The following PDZD2 variants were observed in gnomAD, a reference collection of about 807,000 sequenced individuals.
The protein encoded by PDZD2 is PDZ domain containing 2, also known as PDZ domain-containing protein 2.
In PDZD2, 90 loss-of-function variants were observed where a neutral mutation model predicts 220.7. That is an observed-to-expected ratio of 0.41 (90% CI 0.34 to 0.49). PDZD2 has a LOEUF of 0.49. PDZD2 is among the 20% of genes least tolerant of loss of function. The probability of loss-of-function intolerance (pLI) is 0.28; values close to 1 mark genes in which losing one functional copy is unlikely to be tolerated. For missense variants in PDZD2, 3,174 were observed against 3,608.5 expected (o/e 0.88, Z 3.08); for synonymous variants, 1,375 against 1,450.5 (o/e 0.95, Z 1.18).
chr5:31,905,661 A>G (rs895395939), intron 2 of PDZD2, among the ~76,000 whole-genome samples: 5 of 152,346 alleles, frequency 3.3e-5, no homozygotes, highest in Non-Finnish European at 5.9e-5. Flanking sequence ...CCTTCCCGCT[A>G]AGAACTTCCC....
intron 2 of PDZD2, among the ~76,000 whole-genome samples, chr5:31,947,010 G>T (rs1746697063): frequency 6.6e-6 from 1 of 152,168 alleles, no homozygotes; most frequent in African/African-American, 2.4e-5. Context: ...GGCTAAGATG[G>T]TTCTTTTGAT....
Position 31,799,580 on chromosome 5 carries a change from G to A in PDZD2, c.332G>A (p.Gly111Asp). 1.9e-6 allele frequency: 3 copies of A among 1,614,164 alleles called. No individual in the cohort carries two copies. Among genetic ancestry groups the A allele is most frequent in the Non-Finnish European group, 2.5e-6 (3 of 1,180,020 alleles). ...GGCAAGAAGAGGAAAACCCACCAGG[G>A]TCCTGTGCTGGATGTGGGCTGCATC... The part of the protein sequence containing the change: ...RGGKKRKTHQ[G>D]PVLDVGCIWV... Residue 111 changes from glycine (G) to aspartate (D), a missense_variant, in exon 2 of 25, where the codon GGT (glycine) becomes GAT (aspartate). Around this residue, in one of 4 missense-constraint regions of PDZD2, gnomAD observed 632 missense variants for 708.1 expected, o/e 0.89. Coordinates refer to ENST00000438447, the MANE Select transcript of PDZD2 (RefSeq NM_178140.4).
At chr5:31,767,738 G>T (rs1428067223) in intron 1 of PDZD2, among the ~76,000 whole-genome samples, 1 of 152,300 alleles carries the variant, frequency 6.6e-6, no homozygotes, top group East Asian at 1.9e-4. Context: ...AATTGCCCAG[G>T]CCCCTCAGTT....
intron 1 of PDZD2, among the ~76,000 whole-genome samples, chr5:31,648,490 T>C (rs1745217425): frequency 6.6e-6 from 1 of 152,086 alleles, no homozygotes; most frequent in Non-Finnish European, 1.5e-5. Context: ...GAATAAGTCC[T>C]GTTGGCCCCA....
intron 2 of PDZD2, among the ~76,000 whole-genome samples, chr5:31,895,461 T>C (rs1206850036): frequency 6.6e-6 from 1 of 152,226 alleles, no homozygotes; most frequent in African/African-American, 2.4e-5. Flanking sequence ...TACCTTGATC[T>C]TGGCCTTCCT....
chr5:32,033,419 A>G (rs535498234), intron 6 of PDZD2, among the ~76,000 whole-genome samples: 2 of 152,200 alleles, frequency 1.3e-5, no homozygotes, highest in South Asian at 2.1e-4. Flanking sequence ...AACTCAACGA[A>G]AAAACAGTTT....
Position 31,908,656 on chromosome 5 carries a change from T to C in PDZD2, c.477-74499T>C. The C allele has an allele frequency of 9.5e-6, 11 of 1,162,734 alleles. No homozygotes were observed. The South Asian group carries it at 1.2e-4, about 13-fold the overall frequency. The allele number at this position is 1,162,734 out of a possible 1,614,324, so 72.0% of individuals were successfully genotyped here. ...AGGTTACGTGATATCAAAGACAAACTTGAAGAACAGAGACCAGAAAGAGTA... is the reference window on the plus strand; with the variant it reads ...AGGTTACGTGATATCAAAGACAAACCTGAAGAACAGAGACCAGAAAGAGTA... On this transcript the variant is annotated intron_variant, in intron 2 of 24. Transcript: ENST00000438447.
intron 2 of PDZD2, among the ~76,000 whole-genome samples, chr5:31,918,604 T>C (rs775797507): frequency 9.9e-5 from 15 of 152,244 alleles, no homozygotes; most frequent in Non-Finnish European, 1.8e-4. Flanking sequence ...AAGCTTCTCT[T>C]TTGATTTTTA....
chr5:31,808,531 C>T (rs1406149207), intron 2 of PDZD2, among the ~76,000 whole-genome samples: 1 of 152,188 alleles, frequency 6.6e-6, no homozygotes, highest in Non-Finnish European at 1.5e-5. Flanking sequence ...TCCCAGGGTT[C>T]ATCCAAGTCC....
chr5:31,862,389 C>G (rs1464310169), intron 2 of PDZD2, among the ~76,000 whole-genome samples: 1 of 151,970 alleles, frequency 6.6e-6, no homozygotes, highest in African/African-American at 2.4e-5. Context: ...CAGGCATGAG[C>G]CACCATGCCA....
At chr5:31,689,353 A>ATATATATATATATATATTTTTTT in intron 1 of PDZD2, among the ~76,000 whole-genome samples, 1 of 35,122 alleles carries the variant, frequency 2.8e-5, no homozygotes, top group African/African-American at 2.1e-4. Context: ...ATATATATAT[A>ATATATATATATATATATTTTTTT]TTTTTTTTTT....
chr5:31,888,445 G>C (rs62361611), intron 2 of PDZD2, among the ~76,000 whole-genome samples: 5 of 152,276 alleles, frequency 3.3e-5, no homozygotes, highest in Admixed American at 3.3e-4. Flanking sequence ...GCCTGCCTCC[G>C]CCTCCCAAAG....
chr5:31,718,674 G>C (rs527266893), intron 1 of PDZD2, among the ~76,000 whole-genome samples: 1 of 150,638 alleles, frequency 6.6e-6, no homozygotes, highest in African/African-American at 2.4e-5. Context: ...GGTTGGATTA[G>C]GGCCCACTGT....
intron 2 of PDZD2, among the ~76,000 whole-genome samples, chr5:31,931,783 T>G (rs1191593059): frequency 6.6e-6 from 1 of 152,026 alleles, no homozygotes; most frequent in Non-Finnish European, 1.5e-5. Context: ...AACAGATCTG[T>G]ATACAATGAA....
chr5:32,087,181 G>A lies in PDZD2; in HGVS notation c.3733G>A (p.Ala1245Thr), dbSNP rs770530610. The A allele has an allele frequency of 1.9e-5, 30 of 1,613,650 alleles. No individual in the cohort carries two copies. Among genetic ancestry groups the A allele is most frequent in the East Asian group, 2.2e-5 (1 of 44,872 alleles). Residue 1245 changes from alanine to threonine, a missense_variant, in exon 20 of 25, where the codon GCT (alanine) becomes ACT (threonine). Around this residue, in one of 4 missense-constraint regions of PDZD2, gnomAD observed 1,861 missense variants for 2,001.0 expected, o/e 0.93. Transcript: ENST00000438447. This position sits in a 1 kb window ranked among gnomAD's most constrained non-coding sequence, Gnocchi z 4.0. ...LISSPGKKGA[A>T]HPDPSKTSVD... The stretch of plus-strand genomic sequence containing the variant: ...CTCTTCCCCAGGGAAGAAGGGGGCC[G>A]CTCATCCTGACCCCAGCAAGACCTC...
At chr5:32,077,811 G>T in intron 19 of PDZD2, 1 of 480,470 alleles carries the variant, frequency 2.1e-6, no homozygotes, top group South Asian at 2.0e-5. Flanking sequence ...ACAAAAATTA[G>T]CCGGGCGTGG....
At chr5:31,925,545 G>A (rs1054775447) in intron 2 of PDZD2, among the ~76,000 whole-genome samples, 10 of 152,122 alleles carry the variant, frequency 6.6e-5, no homozygotes, top group South Asian at 4.2e-4. Context: ...TCTGGACATC[G>A]GCCTTGGAAA....
At chr5:31,676,774 C>T (rs1746443662) in intron 1 of PDZD2, among the ~76,000 whole-genome samples, 1 of 151,794 alleles carries the variant, frequency 6.6e-6, no homozygotes, top group South Asian at 2.1e-4. Flanking sequence ...GGCTGGTCTC[C>T]AGCTCCTGAT....
In PDZD2 at chr5:32,108,228, G is replaced by A; in HGVS notation, c.*93G>A. 2.6e-6 allele frequency: 2 copies of A among 773,596 alleles called. No individual in the cohort carries two copies. Among genetic ancestry groups the A allele is most frequent in the South Asian group, 4.0e-5 (2 of 49,768 alleles). 47.9% of individuals were successfully genotyped at this position (773,596 alleles called of 1,614,324 possible). ...ACAGGTTGTTGAAATGGCCAACACTGGTACAGACACGGACTATAAAAATCT... is the reference window on the plus strand; with the variant it reads ...ACAGGTTGTTGAAATGGCCAACACTAGTACAGACACGGACTATAAAAATCT... On this transcript the variant is annotated 3_prime_UTR_variant, in exon 25 of 25. Transcript: ENST00000438447.
Sources: gnomAD v4.1 joint callset for allele counts (sites outside exome capture counted in the v4.1 genomes callset) on GRCh38, gnomAD v4.1.1 for gene constraint, gnomAD v4.1.1 regional missense constraint, Gnocchi (gnomAD v3.1) non-coding constraint, MANE v1.5 for transcripts, NCBI Gene and HGNC (gene_info 2026-07-23, HGNC 2026-07-21) for gene names.